Variants in EPB41L4A observed in about 807,000 individuals in gnomAD.
EPB41L4A encodes the protein band 4.1-like protein 4A.
In EPB41L4A, 100 loss-of-function variants were observed where a neutral mutation model predicts 108.6. The observed-to-expected ratio is 0.92, with a 90% confidence interval of 0.78 to 1.09. EPB41L4A has a LOEUF of 1.09. Among genes scored for constraint, EPB41L4A ranks in the 50% least tolerant of loss-of-function variants. The pLI is 0.00. For missense variants in EPB41L4A, 1,030 were observed against 842.7 expected, an observed-to-expected ratio of 1.22 and a Z score of -2.75; for synonymous variants, 319 against 289.0, an observed-to-expected ratio of 1.10 and a Z score of -1.05.
At chr5:112,407,269 G>A (rs915733071) in intron 1 of EPB41L4A, among the ~76,000 whole-genome samples, 2 of 152,148 alleles carry the variant, frequency 1.3e-5, no homozygotes, top group African/African-American at 4.8e-5. Flanking sequence ...GTGCCATCCA[G>A]AAAAGACTGT....
intron 1 of EPB41L4A, among the ~76,000 whole-genome samples, chr5:112,373,097 C>T (rs1348081941): frequency 6.6e-6 from 1 of 152,184 alleles, no homozygotes; most frequent in Non-Finnish European, 1.5e-5. Context: ...ATACAGATCC[C>T]CACACTGCAG....
At chr5:112,406,093 T>C (rs1762055430) in intron 1 of EPB41L4A, among the ~76,000 whole-genome samples, 1 of 152,170 alleles carries the variant, frequency 6.6e-6, no homozygotes, top group African/African-American at 2.4e-5. Context: ...AAAAACAGTG[T>C]CTGAAAGAAA....
intron 9 of EPB41L4A, among the ~76,000 whole-genome samples, chr5:112,253,095 G>T (rs1242855424): frequency 6.6e-6 from 1 of 152,090 alleles, no homozygotes; most frequent in Non-Finnish European, 1.5e-5. Flanking sequence ...TTTTAAAGAG[G>T]AACTGGGTAT....
chr5:112,405,596 A>T (rs1762030924), intron 1 of EPB41L4A, among the ~76,000 whole-genome samples: 1 of 152,196 alleles, frequency 6.6e-6, no homozygotes, highest in South Asian at 2.1e-4. Context: ...TATATAATAC[A>T]TACATTACAT....
intron 2 of EPB41L4A, among the ~76,000 whole-genome samples, chr5:112,291,628 T>C (rs1379532376): frequency 1.3e-5 from 2 of 152,144 alleles, no homozygotes; most frequent in Non-Finnish European, 2.9e-5. Context: ...ATACAGATCA[T>C]GGGGGAATGA....
chr5:112,180,108 G>C lies in EPB41L4A; in HGVS notation c.1622+3908C>G, dbSNP rs149574838. Among the ~76,000 whole-genome samples, 216 of 152,168 alleles carry C rather than the reference G, an allele frequency of 1.4e-3. 1 individual carries two copies. Among genetic ancestry groups the C allele is most frequent in the African/African-American group, 5.1e-3 (211 of 41,520 alleles). Reference sequence around the variant, plus strand: ...GAACTATAAAACATTGCTGCAAGAAGATAAAAACAAATGGATGAATAAGAT... The same window carrying C: ...GAACTATAAAACATTGCTGCAAGAACATAAAAACAAATGGATGAATAAGAT... On this transcript the variant is annotated intron_variant, in intron 18 of 22. Transcript: ENST00000261486.
intron 2 of EPB41L4A, among the ~76,000 whole-genome samples, chr5:112,304,313 G>A (rs950896290): frequency 2.0e-5 from 3 of 152,086 alleles, no homozygotes; most frequent in African/African-American, 4.8e-5. Flanking sequence ...ATCTGTAAAG[G>A]AGCCTCAGGT....
At position 112,204,457 on chromosome 5, in the gene EPB41L4A, T is replaced by TA; in HGVS notation, c.1293dup (p.Lys432Ter). 6.2e-7 allele frequency: 1 copy of TA among 1,613,656 alleles called. No individual in the cohort carries two copies. The highest frequency in any genetic ancestry group is 8.5e-7 in the Non-Finnish European group (1 of 1,179,682). ...CGCGTGTAAGGGAACTTTGGCGACT[T>TA]AGTGCGATCACTGGGAGAATTGTAG... On this transcript the variant is annotated frameshift_variant, in exon 15 of 23. Transcript: ENST00000261486. LOFTEE classifies it high-confidence loss of function.
intron 1 of EPB41L4A, among the ~76,000 whole-genome samples, chr5:112,411,487 T>C (rs1448965026): frequency 6.6e-6 from 1 of 152,134 alleles, no homozygotes; most frequent in Non-Finnish European, 1.5e-5. Context: ...GCAAATAATA[T>C]ATCATACATA....
chr5:112,287,098 T>C (rs1580611726), intron 2 of EPB41L4A, among the ~76,000 whole-genome samples: 1 of 152,192 alleles, frequency 6.6e-6, no homozygotes. Flanking sequence ...CTTAAGCTCA[T>C]ACCTCACATC....
chr5:112,392,722 C>T (rs560408989), intron 1 of EPB41L4A: 4 of 152,078 alleles, frequency 2.6e-5, no homozygotes, highest in African/African-American at 9.7e-5. Flanking sequence ...ATTGAACTCA[C>T]CTCTGCACCA....
intron 1 of EPB41L4A, among the ~76,000 whole-genome samples, chr5:112,354,697 T>C (rs371274394): frequency 1.3e-5 from 2 of 152,204 alleles, no homozygotes; most frequent in South Asian, 2.1e-4. Context: ...TGAATGAAAA[T>C]AGCATTTTTG....
At chr5:112,274,666 C>A (rs963347388) in intron 4 of EPB41L4A, among the ~76,000 whole-genome samples, 1 of 152,184 alleles carries the variant, frequency 6.6e-6, no homozygotes, top group Non-Finnish European at 1.5e-5. Context: ...GTTTTTCCTA[C>A]CACATGCAGC....
At chr5:112,171,040 C>A in intron 18 of EPB41L4A, 48 bp from the exon 19 acceptor site, 1 of 1,501,962 alleles carries the variant, frequency 6.7e-7, no homozygotes, top group South Asian at 1.1e-5. Flanking sequence ...TGCTTCATCT[C>A]ACAACCTAAT....
chr5:112,154,273 C>A (rs1476956646), intron 12 of EPB41L4A, among the ~76,000 whole-genome samples: 2 of 152,186 alleles, frequency 1.3e-5, no homozygotes, highest in Admixed American at 6.5e-5. Context: ...CCAGTGAATA[C>A]ACTCTGTACA....
chr5:112,262,030 T>C (rs1751529727), intron 7 of EPB41L4A, among the ~76,000 whole-genome samples: 1 of 152,028 alleles, frequency 6.6e-6, no homozygotes, highest in South Asian at 2.1e-4. Flanking sequence ...TGGCTGGGAT[T>C]ACAGGCGCCC....
At chr5:112,297,659 C>T (rs1010582850) in intron 2 of EPB41L4A, among the ~76,000 whole-genome samples, 3 of 152,070 alleles carry the variant, frequency 2.0e-5, no homozygotes, top group African/African-American at 7.2e-5. Context: ...TATTTATCTT[C>T]ATTTTTGTTG....
rs146229692 is a variant in EPB41L4A at position 112,400,547 on chromosome 5, AAAGT to A, written c.99+18390_99+18393del. 3.6e-3 allele frequency among the ~76,000 whole-genome samples: 544 copies of A among 152,036 alleles called. 3 individuals are homozygous for A. The highest frequency in any genetic ancestry group is 0.012 in the African/African-American group (493 of 41,346). ...CACAGTGGGAACAGGAGCAAGAAAG[AAAGT>A]GTCAGAGGGAGGTGCCACACACTTT... On this transcript the variant is annotated intron_variant, in intron 1 of 22. Coordinates refer to ENST00000261486, the MANE Select transcript of EPB41L4A (RefSeq NM_022140.5).
chr5:112,148,509 T>A lies in EPB41L4A; in HGVS notation n.995-2511A>T, dbSNP rs538695419. On this transcript the variant is annotated intron_variant and non_coding_transcript_variant, in intron 12 of 13. Transcript: ENST00000507810. ...TACCAATTATTTTCTTATTCCATTT[T>A]TTTATTTATTTTTTAAATACATTTT... is the stretch of plus-strand genomic sequence containing the variant. Among the ~76,000 whole-genome samples, 48 of 152,156 alleles carry A rather than the reference T, an allele frequency of 3.2e-4. 1 individual carries two copies. The South Asian group carries it at 7.5e-3, about 24-fold the overall frequency.
Sources: gnomAD v4.1 joint callset for allele counts (sites outside exome capture counted in the v4.1 genomes callset) on GRCh38, gnomAD v4.1.1 for gene constraint, MANE v1.5 for transcripts, NCBI Gene and HGNC (gene_info 2026-07-23, HGNC 2026-07-21) for gene names.